PIEZO2: variants seen among roughly 807,000 people sequenced by gnomAD.
PIEZO2 encodes the protein piezo-type mechanosensitive ion channel component 2.
Under a neutral mutation model 337.3 loss-of-function variants are expected in PIEZO2, and 172 were observed. The ratio of observed to expected loss-of-function variants is 0.51; its 90% CI spans 0.45 to 0.58. The LOEUF (loss-of-function observed/expected upper bound fraction) is 0.58, where lower values mean the gene tolerates loss of function less well. Among genes scored for constraint, PIEZO2 ranks in the 20% least tolerant of loss-of-function variants. The probability of loss-of-function intolerance (pLI) is 0.00; values close to 1 mark genes in which losing one functional copy is unlikely to be tolerated. For missense variants in PIEZO2, 3,028 were observed against 3,391.3 expected (o/e 0.89, Z 2.66); for synonymous variants, 1,251 against 1,228.5 (o/e 1.02, Z -0.38).
chr18:11,023,572 G>T (rs1238665390), intron 2 of PIEZO2, among the ~76,000 whole-genome samples: 2 of 152,260 alleles, frequency 1.3e-5, no homozygotes, highest in African/African-American at 4.8e-5. Flanking sequence ...AGAGTCAGGA[G>T]CCCAGCTGGC....
intron 3 of PIEZO2, among the ~76,000 whole-genome samples, chr18:10,921,581 G>A (rs1905874): frequency 0.21 from 31,213 of 151,942 alleles, 3,332 homozygotes; most frequent in Admixed American, 0.27. Flanking sequence ...TGCACTAACT[G>A]CACAAATTGT....
In PIEZO2 at chr18:10,748,274, C is replaced by T. The variant is rs141363141; in HGVS notation, c.4424+197G>A. 3.3e-5 allele frequency among the ~76,000 whole-genome samples: 5 copies of T among 152,302 alleles called. No individual in the cohort carries two copies. Among genetic ancestry groups the T allele is most frequent in the Non-Finnish European group, 1.5e-5 (1 of 68,026 alleles). On this transcript the variant is annotated intron_variant, in intron 30 of 55. Coordinates refer to ENST00000674853, the MANE Select transcript of PIEZO2 (RefSeq NM_001378183.1). The surrounding 1 kb of genome is among the most constrained non-coding windows in gnomAD (Gnocchi z 5.1). ...ATGGCACCCCCATTCCTTGAGAAGT[C>T]TGATGGTTACATAGGCTTTCCTGTT...
intron 37 of PIEZO2, 58 bp from the exon 38 acceptor site, chr18:10,715,874 T>G (rs977326821): frequency 6.6e-6 from 9 of 1,369,266 alleles, no homozygotes; most frequent in Non-Finnish European, 8.8e-6. Context: ...GATTTTACTT[T>G]TGTGTAGCCC....
intron 1 of PIEZO2, among the ~76,000 whole-genome samples, chr18:11,098,073 G>C (rs2039308731): frequency 6.6e-6 from 1 of 152,118 alleles, no homozygotes; most frequent in Non-Finnish European, 1.5e-5. Flanking sequence ...GCAAAGATTT[G>C]TGTATCAGGA....
chr18:11,092,356 C>T lies in PIEZO2; in HGVS notation c.65-26134G>A, dbSNP rs1248148607. ...TGTTAAACATAATAAATACAGAAAA[C>T]TAAAAATACTATATTCCATGTGATT... On this transcript the variant is annotated intron_variant, in intron 1 of 55. Coordinates refer to ENST00000674853, the MANE Select transcript of PIEZO2 (RefSeq NM_001378183.1). The surrounding 1 kb of genome is among the most constrained non-coding windows in gnomAD (Gnocchi z 4.5). Among the ~76,000 whole-genome samples, 3 of 152,046 alleles carry T rather than the reference C, an allele frequency of 2.0e-5. No individual in the cohort carries two copies. The highest frequency in any genetic ancestry group is 4.4e-5 in the Non-Finnish European group (3 of 67,978).
rs1000476474 is a variant in PIEZO2, at chr18:10,707,815, T to C, written c.5588+460A>G. 8.5e-5 allele frequency among the ~76,000 whole-genome samples: 13 copies of C among 152,218 alleles called. No homozygotes were observed. Among genetic ancestry groups the C allele is most frequent in the Non-Finnish European group, 1.9e-4 (13 of 68,034 alleles). On this transcript the variant is annotated intron_variant, in intron 40 of 55. Transcript: ENST00000674853. The surrounding 1 kb of genome is among the most constrained non-coding windows in gnomAD (Gnocchi z 4.2). ...GCAGATAACATGCAGACTTATTTAA[T>C]ATTCACTAAAAATGACTACCTATGA...
rs542518098 is a variant in PIEZO2, at chr18:10,676,784, G to T, written c.8081+963C>A. Among the ~76,000 whole-genome samples, 35 of 152,364 alleles carry T rather than the reference G, an allele frequency of 2.3e-4. 1 individual carries two copies. The South Asian group carries it at 3.7e-3, about 16-fold the overall frequency. ...CTTGAGCCCCACCTCTTTCCACTGA[G>T]GGTGAACGAGTGAAGTGGGTACCCA... On this transcript the variant is annotated intron_variant, in intron 53 of 55. Transcript: ENST00000674853. The surrounding 1 kb of genome is among the most constrained non-coding windows in gnomAD (Gnocchi z 5.1).
chr18:10,708,937 G>C lies in PIEZO2; in HGVS notation c.5424-498C>G, dbSNP rs534986611. 2.7e-3 allele frequency among the ~76,000 whole-genome samples: 415 copies of C among 152,238 alleles called. 2 individuals carry two copies. The highest frequency in any genetic ancestry group is 3.2e-3 in the Non-Finnish European group (219 of 68,032). On this transcript the variant is annotated intron_variant, in intron 39 of 55. Coordinates refer to ENST00000674853, the MANE Select transcript of PIEZO2 (RefSeq NM_001378183.1). The stretch of plus-strand genomic sequence containing the variant: ...TTTTAACACGGTCTTCAGAATTAGA[G>C]AGGGGAAACTCAGGAATGACAACAA...
chr18:10,721,481 G>C (rs1261680297), intron 36 of PIEZO2, among the ~76,000 whole-genome samples: 1 of 152,092 alleles, frequency 6.6e-6, no homozygotes, highest in East Asian at 1.9e-4. Flanking sequence ...TTATGACACA[G>C]AGCAAGGAGC....
intron 49 of PIEZO2, among the ~76,000 whole-genome samples, chr18:10,683,034 T>C (rs2034343162): frequency 1.3e-5 from 2 of 152,246 alleles, no homozygotes; most frequent in African/African-American, 4.8e-5. Flanking sequence ...TGAACCTGCT[T>C]CTGATCTACA....
In PIEZO2 at chr18:10,952,601, C is replaced by T. The variant is rs764396763; in HGVS notation, c.286+26934G>A. 2.6e-5 allele frequency among the ~76,000 whole-genome samples: 4 copies of T among 152,200 alleles called. No individual in the cohort carries two copies. The highest frequency in any genetic ancestry group is 5.9e-5 in the Non-Finnish European group (4 of 68,038). ...TCCAGGGACCAAGTTTGCTGAAAGA[C>T]ATTGAAGTTGCTTCCAGTTGGGGCA... On this transcript the variant is annotated intron_variant, in intron 3 of 55. Transcript: ENST00000674853. This position sits in a 1 kb window ranked among gnomAD's most constrained non-coding sequence, Gnocchi z 4.1.
chr18:10,760,963 A>G lies in PIEZO2; in HGVS notation c.3398T>C (p.Ile1133Thr). ...ATTAATGAAATATTTGGCACAATTA[A>G]TAAGTCCATCATCTAGATGTAGTCT... ...ITRLHLDDGL[I>T]NCAKYFINYF... The change falls in exon 24 of 56, where the codon ATT becomes ACT. Residue 1133 changes from isoleucine to threonine, a missense_variant. Ile to Thr is a moderately conservative substitution (Grantham distance 89, BLOSUM62 -1). Around this residue, in one of 5 missense-constraint regions of PIEZO2, gnomAD observed 1,925 missense variants for 2,051.9 expected, o/e 0.94. Transcript: ENST00000674853. 1 of 1,535,488 alleles carries G rather than the reference A, an allele frequency of 6.5e-7. No individual in the cohort carries two copies. The highest frequency in any genetic ancestry group is 1.2e-5 in the South Asian group (1 of 84,022).
At chr18:11,024,735 G>T (rs2036469556) in intron 2 of PIEZO2, among the ~76,000 whole-genome samples, 1 of 151,744 alleles carries the variant, frequency 6.6e-6, no homozygotes, top group Non-Finnish European at 1.5e-5. Context: ...TCGTCTCCTG[G>T]ATTCAAGTGA....
intron 7 of PIEZO2, among the ~76,000 whole-genome samples, chr18:10,852,514 C>A (rs2041584813): frequency 6.6e-6 from 1 of 152,206 alleles, no homozygotes; most frequent in Non-Finnish European, 1.5e-5. Flanking sequence ...TCAGCCACAA[C>A]TAGTTTTACC....
In PIEZO2 at chr18:10,722,958, T is replaced by C. The variant is rs2143977351; in HGVS notation, c.5030-4699A>G. Among the ~76,000 whole-genome samples, 3 of 51,600 alleles carry C rather than the reference T, an allele frequency of 5.8e-5. No homozygotes were observed. The South Asian group carries it at 1.9e-3, about 32-fold the overall frequency. The allele number at this position is 51,600 out of a possible 152,430, so 33.9% of individuals were successfully genotyped here. ...ACAGCATGTGTCCAGGATGCAGTGA[T>C]TTTTTTTTTTTTTTTTTTTTTTTTT... On this transcript the variant is annotated intron_variant, in intron 36 of 55. Coordinates refer to ENST00000674853, the MANE Select transcript of PIEZO2 (RefSeq NM_001378183.1).
At chr18:10,715,165 C>G (rs999246919) in intron 38 of PIEZO2, among the ~76,000 whole-genome samples, 1 of 152,170 alleles carries the variant, frequency 6.6e-6, no homozygotes, top group Non-Finnish European at 1.5e-5. Context: ...ATCATAGTAA[C>G]CTTTCAAGAT....
At position 11,126,674 on chromosome 18, in the gene PIEZO2, G is replaced by A. The variant is rs2040192762; in HGVS notation, c.64+21851C>T. 6.6e-6 allele frequency among the ~76,000 whole-genome samples: 1 copy of A among 151,796 alleles called. No homozygotes were observed. Among genetic ancestry groups the A allele is most frequent in the African/African-American group, 2.4e-5 (1 of 41,310 alleles). On this transcript the variant is annotated intron_variant, in intron 1 of 55. Coordinates refer to ENST00000674853, the MANE Select transcript of PIEZO2 (RefSeq NM_001378183.1). The surrounding 1 kb of genome is among the most constrained non-coding windows in gnomAD (Gnocchi z 4.6). ...TCCCAGAATCGAGCCATCCTGATAG[G>A]CCAGTAAATGTTTATTGAATGAATC...
At chr18:10,695,910 C>T (rs935318912) in intron 47 of PIEZO2, among the ~76,000 whole-genome samples, 164 bp downstream of exon 47, 1 of 152,202 alleles carries the variant, frequency 6.6e-6, no homozygotes, top group African/African-American at 2.4e-5. Flanking sequence ...TTTGGATTTG[C>T]GTTGACTATT....
intron 27 of PIEZO2, among the ~76,000 whole-genome samples, chr18:10,755,977 G>A (rs373239730): frequency 1.3e-5 from 2 of 148,558 alleles, no homozygotes; most frequent in East Asian, 2.0e-4. Context: ...GGGATGAGGA[G>A]GAAAGATGGA....
Sources: gnomAD v4.1 joint callset for allele counts (sites outside exome capture counted in the v4.1 genomes callset) on GRCh38, gnomAD v4.1.1 for gene constraint, gnomAD v4.1.1 regional missense constraint, Gnocchi (gnomAD v3.1) non-coding constraint, MANE v1.5 for transcripts, NCBI Gene and HGNC (gene_info 2026-07-23, HGNC 2026-07-21) for gene names.